Variants in RNLS observed in about 807,000 individuals in gnomAD.
RNLS encodes renalase.
Under a neutral mutation model 39.8 loss-of-function variants are expected in RNLS, and 39 were observed. The ratio of observed to expected loss-of-function variants is 0.98; its 90% CI spans 0.76 to 1.28. The LOEUF (loss-of-function observed/expected upper bound fraction) is 1.28. Among genes scored for constraint, RNLS ranks in the 50% most tolerant of loss-of-function variants. RNLS has a pLI of 0.00. For missense variants in RNLS, 410 were observed against 413.3 expected, an observed-to-expected ratio of 0.99 and a Z score of 0.07; for synonymous variants, 147 against 150.7, an observed-to-expected ratio of 0.98 and a Z score of 0.18.
intron 4 of RNLS, among the ~76,000 whole-genome samples, chr10:88,499,798 G>GC (rs1458601672): frequency 6.6e-6 from 1 of 152,074 alleles, no homozygotes; most frequent in Non-Finnish European, 1.5e-5. Flanking sequence ...ATACGCTTGT[G>GC]CCCCAGCAGT....
At position 88,555,378 on chromosome 10, in the gene RNLS, T is replaced by TA. The variant is rs757605138; in HGVS notation, c.526+17524dup. ...TGATCCTCGGTGTTGAAGGTGGGCC[T>TA]AGTGGGAGGTGTTTGGTCATGGGGG... On this transcript the variant is annotated intron_variant, in intron 4 of 6. Transcript: ENST00000331772. Among the ~76,000 whole-genome samples the TA allele has an allele frequency of 9.2e-5, 14 of 152,170 alleles. No individual in the cohort carries two copies. In the East Asian group the frequency reaches 1.9e-3, roughly 21 times the overall value.
chr10:88,300,964 T>C (rs1373235354), intron 6 of RNLS, among the ~76,000 whole-genome samples: 1 of 152,178 alleles, frequency 6.6e-6, no homozygotes, highest in East Asian at 1.9e-4. Context: ...ACATCCACCG[T>C]CCAATTTTAA....
rs537909697 is a variant in RNLS at position 88,565,673 on chromosome 10, T to TA, written c.526+7229dup. 5.0e-3 allele frequency among the ~76,000 whole-genome samples: 723 copies of TA among 144,612 alleles called. 21 individuals carry two copies. In the South Asian group the frequency reaches 0.076, roughly 15 times the overall value. 94.9% of individuals were successfully genotyped at this position (144,612 alleles called of 152,430 possible). ...TACATATGGCACAATACTCCTCCAC[T>TA]AAAAAAAAAGGAAAGAAGATCTATT... On this transcript the variant is annotated intron_variant, in intron 4 of 6. Transcript: ENST00000331772.
chr10:88,410,554 T>C (rs988742443), intron 4 of RNLS, among the ~76,000 whole-genome samples: 15 of 152,110 alleles, frequency 9.9e-5, no homozygotes, highest in Admixed American at 3.9e-4. Flanking sequence ...CATAAATATA[T>C]GATGAGTTAT....
intron 4 of RNLS, among the ~76,000 whole-genome samples, chr10:88,428,167 G>A (rs10788599): frequency 0.69 from 105,024 of 151,862 alleles, 37,072 homozygotes; most frequent in African/African-American, 0.84. Flanking sequence ...ATAATTTCCC[G>A]AATCTCTCGC....
the RNLS span, among the ~76,000 whole-genome samples, chr10:88,258,653 CTG>C: frequency 2.0e-5 from 3 of 152,152 alleles, no homozygotes; most frequent in Non-Finnish European, 2.9e-5. Flanking sequence ...AACAGAGAAA[CTG>C]AAATAATGAG....
chr10:88,277,825 T>C (rs1180396684), intron 6 of RNLS, among the ~76,000 whole-genome samples: 1 of 152,200 alleles, frequency 6.6e-6, no homozygotes, highest in Non-Finnish European at 1.5e-5. Context: ...AGTGATTTAT[T>C]CTTAATTTAA....
chr10:88,314,668 G>A, intron 5 of RNLS, 27 bp from the exon 6 acceptor site: 1 of 1,596,168 alleles, frequency 6.3e-7, no homozygotes, highest in Non-Finnish European at 8.6e-7. Context: ...TCATAAAGAT[G>A]CATCTTAAAG....
At chr10:88,187,403 G>C in the RNLS span, among the ~76,000 whole-genome samples, 2 of 151,762 alleles carry the variant, frequency 1.3e-5, no homozygotes, top group African/African-American at 2.4e-5. Flanking sequence ...TATTTAGATG[G>C]AGACAGATTA....
chr10:88,454,806 G>C (rs986724350), intron 4 of RNLS, among the ~76,000 whole-genome samples: 1 of 152,100 alleles, frequency 6.6e-6, no homozygotes, highest in Non-Finnish European at 1.5e-5. Flanking sequence ...ATGGAGGTCT[G>C]GTAGATAACA....
At chr10:88,178,081 G>A in the RNLS span, among the ~76,000 whole-genome samples, 8 of 152,206 alleles carry the variant, frequency 5.3e-5, no homozygotes, top group South Asian at 2.1e-4. Context: ...TGGCTCCCTG[G>A]GTTCTGTGGG....
At chr10:88,505,305 T>A (rs1490300375) in intron 4 of RNLS, among the ~76,000 whole-genome samples, 5 of 150,378 alleles carry the variant, frequency 3.3e-5, no homozygotes, top group Non-Finnish European at 7.4e-5. Flanking sequence ...TCAAAAAGAA[T>A]AACAATGTAT....
chr10:88,467,187 C>T (rs376203432), intron 4 of RNLS, among the ~76,000 whole-genome samples: 1 of 152,084 alleles, frequency 6.6e-6, no homozygotes, highest in East Asian at 1.9e-4. Flanking sequence ...GTGAGTAGGT[C>T]CCTCTTACCT....
intron 5 of RNLS, among the ~76,000 whole-genome samples, chr10:88,318,457 G>T (rs1224544541): frequency 1.3e-5 from 2 of 152,220 alleles, no homozygotes; most frequent in Non-Finnish European, 2.9e-5. Flanking sequence ...GGTTCTTCTG[G>T]CTGGGGGCTG....
chr10:88,492,334 G>C (rs1246868649), intron 4 of RNLS, among the ~76,000 whole-genome samples: 2 of 151,932 alleles, frequency 1.3e-5, no homozygotes, highest in African/African-American at 4.8e-5. Context: ...ATTGGAGGCA[G>C]CTCTGGAAAA....
At chr10:88,401,171 CTTCTGATTA>C (rs937622800) in intron 4 of RNLS, among the ~76,000 whole-genome samples, 21 of 151,986 alleles carry the variant, frequency 1.4e-4, no homozygotes, top group African/African-American at 4.6e-4. Context: ...GAGAAATGCA[CTTCTGATTA>C]TTCTGAGAAA....
the RNLS span, among the ~76,000 whole-genome samples, chr10:88,221,227 C>G: frequency 2.6e-5 from 4 of 152,184 alleles, no homozygotes; most frequent in African/African-American, 7.2e-5. Flanking sequence ...CAAGGTTTAG[C>G]CTAGCCAAGC....
chr10:88,487,096 A>C (rs1446668792), intron 4 of RNLS, among the ~76,000 whole-genome samples: 1 of 152,124 alleles, frequency 6.6e-6, no homozygotes, highest in Non-Finnish European at 1.5e-5. Flanking sequence ...CTTAGCAAAC[A>C]CAGGAACAGA....
the RNLS span, among the ~76,000 whole-genome samples, chr10:88,243,674 A>T: frequency 6.6e-6 from 1 of 152,198 alleles, no homozygotes; most frequent in Non-Finnish European, 1.5e-5. Flanking sequence ...AGCAAGCCCA[A>T]ATGTTCAGCC....
Sources: gnomAD v4.1 joint callset for allele counts (sites outside exome capture counted in the v4.1 genomes callset) on GRCh38, gnomAD v4.1.1 for gene constraint, MANE v1.5 for transcripts, NCBI Gene and HGNC (gene_info 2026-07-23, HGNC 2026-07-21) for gene names.